AKAP9: variants seen among roughly 807,000 people sequenced by gnomAD.
AKAP9 encodes A-kinase anchor protein 9.
AKAP9 carries 311 observed loss-of-function variants against 488.5 expected under a neutral mutation model. The ratio of observed to expected loss-of-function variants is 0.64; its 90% CI spans 0.58 to 0.70. The LOEUF (loss-of-function observed/expected upper bound fraction) is 0.70, where lower values mean the gene tolerates loss of function less well. Among genes scored for constraint, AKAP9 ranks in the 30% least tolerant of loss-of-function variants. AKAP9 has a pLI of 0.00. For missense variants in AKAP9, 4,215 were observed against 4,374.5 expected (o/e 0.96, Z 1.03); for synonymous variants, 1,462 against 1,483.5 (o/e 0.99, Z 0.33).
intron 3 of AKAP9, among the ~76,000 whole-genome samples, chr7:91,984,534 C>T (rs1250746109): frequency 1.3e-5 from 2 of 152,072 alleles, no homozygotes; most frequent in East Asian, 1.9e-4. Context: ...TTACTGTAGC[C>T]TTGTTGTATA....
intron 3 of AKAP9, among the ~76,000 whole-genome samples, chr7:91,991,573 G>A (rs571202020): frequency 4.6e-5 from 7 of 151,196 alleles, no homozygotes; most frequent in South Asian, 2.1e-4. Flanking sequence ...CTGGGTTCAC[G>A]CCATTCTCCT....
rs539627759 is a variant in AKAP9, at chr7:91,943,821, T to C, written c.48+2674T>C. Among the ~76,000 whole-genome samples, 23 of 152,346 alleles carry C rather than the reference T, an allele frequency of 1.5e-4. No homozygotes were observed. In the East Asian group the frequency reaches 4.0e-3, roughly 27 times the overall value. ...AATTCTCTTAATGTGAAATCCATAT[T>C]GCTGGCATCAGAAACAACTTTAAAT... On this transcript the variant is annotated intron_variant, in intron 1 of 49. Coordinates refer to ENST00000356239, the MANE Select transcript of AKAP9 (RefSeq NM_005751.5).
chr7:92,025,276 A>G (rs537685760), intron 14 of AKAP9, among the ~76,000 whole-genome samples: 2 of 152,328 alleles, frequency 1.3e-5, no homozygotes, highest in South Asian at 4.1e-4. Flanking sequence ...ATAGGCTTAC[A>G]TTGTTATTCC....
chr7:92,070,831 C>CAAAA, intron 27 of AKAP9, 74 bp from the exon 28 acceptor site: 1 of 947,794 alleles, frequency 1.1e-6, no homozygotes, highest in African/African-American at 1.9e-5. Flanking sequence ...AAAAAGCAGA[C>CAAAA]CAAAAAACAA....
chr7:92,057,692 C>G (rs1047487585), intron 22 of AKAP9: 12 of 217,848 alleles, frequency 5.5e-5, no homozygotes, highest in Non-Finnish European at 1.1e-4. Flanking sequence ...CTCAAGACTG[C>G]TGCTATGGAG....
At position 91,958,033 on chromosome 7, in the gene AKAP9, A is replaced by G. The variant is rs562816906; in HGVS notation, c.49-15678A>G. Among the ~76,000 whole-genome samples the G allele has an allele frequency of 2.2e-4, 33 of 152,284 alleles. No individual in the cohort carries two copies. In the South Asian group the frequency reaches 6.8e-3, roughly 32 times the overall value. On this transcript the variant is annotated intron_variant, in intron 1 of 49. Coordinates refer to ENST00000356239, the MANE Select transcript of AKAP9 (RefSeq NM_005751.5). Reference sequence around the variant, plus strand: ...TAGTGACTACATTCAGGAATGGAGTAAGAAGAGGGAGTGAAGTCAAAAGCA... The same window carrying G: ...TAGTGACTACATTCAGGAATGGAGTGAGAAGAGGGAGTGAAGTCAAAAGCA...
At chr7:91,994,440 A>G (rs1798142826) in intron 5 of AKAP9, among the ~76,000 whole-genome samples, 181 bp from the exon 6 acceptor site, 1 of 152,172 alleles carries the variant, frequency 6.6e-6, no homozygotes, top group South Asian at 2.1e-4. Flanking sequence ...GTTCAGATAA[A>G]TTTTTTGAAG....
chr7:92,099,115 C>T (rs1171822223), intron 43 of AKAP9, among the ~76,000 whole-genome samples: 1 of 152,184 alleles, frequency 6.6e-6, no homozygotes, highest in African/African-American at 2.4e-5. Context: ...TCACCATAGA[C>T]CACTTTCCTT....
At chr7:92,098,350 GAAT>G in intron 43 of AKAP9, 136 bp downstream of exon 43, 2 of 575,648 alleles carry the variant, frequency 3.5e-6, no homozygotes, top group South Asian at 2.1e-5. Context: ...TTTTAAATAT[GAAT>G]AATAATGCTT....
At chr7:91,944,827 T>G (rs1003835203) in intron 1 of AKAP9, among the ~76,000 whole-genome samples, 1 of 152,250 alleles carries the variant, frequency 6.6e-6, no homozygotes, top group Admixed American at 6.5e-5. Flanking sequence ...GGCCTGGAAT[T>G]GTAATTGCTA....
At chr7:91,947,360 C>T (rs76647619) in intron 1 of AKAP9, among the ~76,000 whole-genome samples, 7 of 151,724 alleles carry the variant, frequency 4.6e-5, no homozygotes, top group African/African-American at 7.3e-5. Flanking sequence ...TTTTTCCCCC[C>T]GAGATGGAGT....
At chr7:92,022,479 AT>A (rs1439107772) in intron 13 of AKAP9, 127 bp downstream of exon 13, 27 of 698,168 alleles carry the variant, frequency 3.9e-5, no homozygotes, top group Non-Finnish European at 5.8e-5. Context: ...TCTGATCTCA[AT>A]TTTTTCATCC....
rs367764105 is a variant in AKAP9 at position 92,084,811 on chromosome 7, T to C, written c.8711-8T>C. ...TTTTTTAACAGCAAATTATTTTCTT[T>C]ATTTTAGATTCTGGATCAGACTGGG... is the stretch of plus-strand genomic sequence containing the variant. On this transcript the variant is annotated splice_polypyrimidine_tract_variant and splice_region_variant and intron_variant, in intron 34 of 49. Transcript: ENST00000356239. The C allele has an allele frequency of 3.3e-5, 54 of 1,612,124 alleles. 1 individual carries two copies. Among genetic ancestry groups the C allele is most frequent in the Admixed American group, 3.2e-4 (19 of 59,848 alleles).
chr7:92,086,989 A>T (rs1584495559), intron 37 of AKAP9, among the ~76,000 whole-genome samples: 2 of 152,178 alleles, frequency 1.3e-5, no homozygotes, highest in East Asian at 3.8e-4. Context: ...CTTCAGCACT[A>T]CTTTTGGGGG....
intron 7 of AKAP9, among the ~76,000 whole-genome samples, chr7:91,996,798 G>C (rs145372500): frequency 6.6e-6 from 1 of 152,138 alleles, no homozygotes; most frequent in South Asian, 2.1e-4. Flanking sequence ...AAATTACCAA[G>C]ACAAGAATAT....
At chr7:92,065,082 C>G in intron 24 of AKAP9, 149 bp from the exon 25 acceptor site, 1 of 424,112 alleles carries the variant, frequency 2.4e-6, no homozygotes, top group East Asian at 3.7e-5. Context: ...AATTTTGATA[C>G]TTTCATAAGA....
intron 21 of AKAP9, among the ~76,000 whole-genome samples, 162 bp downstream of exon 21, chr7:92,045,375 T>C (rs1263691393): frequency 6.6e-6 from 1 of 152,218 alleles, no homozygotes. Context: ...ACACCATTAT[T>C]GTATAGCATT....
At chr7:91,988,717 C>T (rs1015512658) in intron 3 of AKAP9, among the ~76,000 whole-genome samples, 2 of 152,016 alleles carry the variant, frequency 1.3e-5, no homozygotes, top group South Asian at 4.1e-4. Context: ...ACTTTGGAGC[C>T]AGAAAGTCCT....
intron 3 of AKAP9, among the ~76,000 whole-genome samples, chr7:91,981,888 G>A (rs1267994101): frequency 1.3e-5 from 2 of 152,116 alleles, no homozygotes; most frequent in Non-Finnish European, 2.9e-5. Context: ...ACAGGTGTAA[G>A]CCACCGCACC....
Sources: allele counts gnomAD v4.1 joint callset (sites outside exome capture counted in the v4.1 genomes callset), GRCh38; gene constraint gnomAD v4.1.1; transcripts MANE v1.5; gene names NCBI Gene and HGNC (gene_info 2026-07-23, HGNC 2026-07-21).